ASTN1: variants seen among roughly 807,000 people sequenced by gnomAD.
ASTN1 encodes the protein astrotactin 1.
ASTN1 carries 41 observed loss-of-function variants against 140.7 expected under a neutral mutation model. The ratio of observed to expected loss-of-function variants is 0.29; its 90% confidence interval spans 0.23 to 0.38. The LOEUF (loss-of-function observed/expected upper bound fraction) is 0.38, where lower values mean the gene tolerates loss of function less well. Ranked by LOEUF, ASTN1 falls within the 10% of genes least tolerant of loss-of-function variation. The pLI is 1.00. For synonymous variants in ASTN1, 640 were observed against 652.2 expected (o/e 0.98, Z 0.29); for missense variants, 1,479 against 1,678.8 (o/e 0.88, Z 2.08).
chr1:177,140,208 T>C (rs185568719), intron 1 of ASTN1, among the ~76,000 whole-genome samples: 59 of 152,342 alleles, frequency 3.9e-4, no homozygotes, highest in Non-Finnish European at 1.5e-5. Flanking sequence ...GAGGAAGTTA[T>C]AATAGCCGAA....
At chr1:176,957,244 G>C (rs1389611840) in intron 11 of ASTN1, among the ~76,000 whole-genome samples, 3 of 152,062 alleles carry the variant, frequency 2.0e-5, no homozygotes, top group East Asian at 3.9e-4. Context: ...TAGGAGCCCA[G>C]CTTTGAAGAA....
intron 9 of ASTN1, among the ~76,000 whole-genome samples, chr1:176,959,049 A>T (rs76501326): frequency 0.013 from 1,966 of 152,226 alleles, 47 homozygotes; most frequent in African/African-American, 0.042. Context: ...TATTCTCTGC[A>T]CTCCTACCCA....
chr1:176,859,475 C>T (rs1180154227), downstream of ASTN1, among the ~76,000 whole-genome samples: 3 of 152,192 alleles, frequency 2.0e-5, no homozygotes, highest in South Asian at 2.1e-4. Context: ...TGACCCCTGA[C>T]TGGATTATTT....
intron 21 of ASTN1, among the ~76,000 whole-genome samples, chr1:176,870,219 C>T (rs957385286): frequency 2.0e-5 from 3 of 152,280 alleles, no homozygotes; most frequent in South Asian, 2.1e-4. Context: ...TGGAGAGCAA[C>T]GTTTTGTCTT....
rs1005743349 is a variant in ASTN1, at chr1:176,863,428, C to T, written c.*856G>A. On this transcript the variant is annotated 3_prime_UTR_variant, in exon 23 of 23. Transcript: ENST00000361833. ...ATATATATTGGTAGGCTGGAGAAGT[C>T]TATCCAAAGGAAGCATGGTTTTTTT... 2 of 985,698 alleles carry T rather than the reference C, an allele frequency of 2.0e-6. No homozygotes were observed. Among genetic ancestry groups the T allele is most frequent in the Admixed American group, 6.2e-5 (1 of 16,260 alleles). The allele number at this position is 985,698 out of a possible 1,614,324, so 61.1% of individuals were successfully genotyped here. A position where few individuals can be genotyped will look rare whatever the true frequency, so the allele number is the denominator to read the frequency against.
At chr1:177,062,379 C>T (rs116561269) in intron 1 of ASTN1, among the ~76,000 whole-genome samples, 4,616 of 151,596 alleles carry the variant, frequency 0.03, 232 homozygotes, top group African/African-American at 0.11. Flanking sequence ...TAGCAGGGAC[C>T]ACAGACACAC....
Position 176,861,444 on chromosome 1 carries a change from GA to G in ASTN1, c.*2839del. Reference sequence around the variant, plus strand: ...TCCCTTAAGACCTGTTTGGCAGCTTGAAAACTCAAGGTTGAATACCGGTCCA... The same window carrying G: ...TCCCTTAAGACCTGTTTGGCAGCTTGAAACTCAAGGTTGAATACCGGTCCA... On this transcript the variant is annotated 3_prime_UTR_variant, in exon 23 of 23. Transcript: ENST00000361833. 1 of 985,814 alleles carries G rather than the reference GA, an allele frequency of 1.0e-6. No individual in the cohort carries two copies. The highest frequency in any genetic ancestry group is 1.2e-6 in the Non-Finnish European group (1 of 829,932). The allele number at this position is 985,814 out of a possible 1,614,324, so 61.1% of individuals were successfully genotyped here. A position where few individuals can be genotyped will look rare whatever the true frequency, so the allele number is the denominator to read the frequency against.
chr1:177,088,494 G>A (rs1219096423), intron 1 of ASTN1, among the ~76,000 whole-genome samples: 1 of 152,144 alleles, frequency 6.6e-6, no homozygotes, highest in Non-Finnish European at 1.5e-5. Flanking sequence ...AATGTGGCTA[G>A]CGTCATCCTC....
intron 1 of ASTN1, among the ~76,000 whole-genome samples, chr1:177,091,702 C>T (rs1679763471): frequency 6.6e-6 from 1 of 152,228 alleles, no homozygotes; most frequent in Non-Finnish European, 1.5e-5. Flanking sequence ...CAGTTCCCAT[C>T]CCCCAGCCCT....
intron 2 of ASTN1, among the ~76,000 whole-genome samples, chr1:177,040,939 T>C (rs1676940336): frequency 1.3e-5 from 2 of 152,180 alleles, no homozygotes; most frequent in Non-Finnish European, 2.9e-5. Context: ...TTTTCCGTTC[T>C]TGAGATTTTT....
intron 7 of ASTN1, among the ~76,000 whole-genome samples, chr1:177,019,291 G>A (rs749009142): frequency 6.6e-6 from 1 of 152,158 alleles, no homozygotes; most frequent in Non-Finnish European, 1.5e-5. Flanking sequence ...CACAATGCTT[G>A]ACACACAGTG....
intron 1 of ASTN1, among the ~76,000 whole-genome samples, chr1:177,163,327 G>A (rs1487057451): frequency 1.3e-5 from 2 of 152,156 alleles, no homozygotes; most frequent in African/African-American, 4.8e-5. Context: ...CTAAAGAAAT[G>A]GATTGCATGG....
chr1:177,064,447 C>CTAAT (rs1678249518), intron 1 of ASTN1, among the ~76,000 whole-genome samples: 1 of 152,204 alleles, frequency 6.6e-6, no homozygotes, highest in African/African-American at 2.4e-5. Flanking sequence ...TACCTATTAG[C>CTAAT]AGTCCAAGGC....
At position 176,958,328 on chromosome 1, in the gene ASTN1, C is replaced by T; in HGVS notation, c.1736+17G>A. 1 of 1,613,790 alleles carries T rather than the reference C, an allele frequency of 6.2e-7. No homozygotes were observed. Among genetic ancestry groups the T allele is most frequent in the South Asian group, 1.1e-5 (1 of 90,984 alleles). On this transcript the variant is annotated intron_variant, in intron 10 of 22. Coordinates refer to ENST00000361833, the MANE Select transcript of ASTN1 (RefSeq NM_004319.3). The stretch of plus-strand genomic sequence containing the variant: ...TCCCAAGCCAATTGCAGGCCTCAGT[C>T]CTGAAGCCAGACTCACCTGACCTCC...
At chr1:177,103,249 T>A (rs1680384287) in intron 1 of ASTN1, among the ~76,000 whole-genome samples, 1 of 152,180 alleles carries the variant, frequency 6.6e-6, no homozygotes, top group Admixed American at 6.5e-5. Context: ...CATAATGAGA[T>A]GCTAAGGCAA....
At chr1:177,014,947 T>A in intron 7 of ASTN1, 72 bp from the exon 8 acceptor site, 1 of 1,402,506 alleles carries the variant, frequency 7.1e-7, no homozygotes, top group Non-Finnish European at 1.0e-6. Context: ...TTTGTAAAAA[T>A]TAACATGAAA....
chr1:177,163,580 G>A (rs1198034302), intron 1 of ASTN1, among the ~76,000 whole-genome samples: 3 of 152,184 alleles, frequency 2.0e-5, no homozygotes, highest in Non-Finnish European at 4.4e-5. Context: ...CAAAAAGAGA[G>A]AGATGTAAAC....
intron 1 of ASTN1, among the ~76,000 whole-genome samples, chr1:177,073,694 A>C (rs1678755184): frequency 6.6e-6 from 1 of 150,870 alleles, no homozygotes; most frequent in South Asian, 2.1e-4. Context: ...TCCCTAGAGC[A>C]GAGTAATGTG....
intron 1 of ASTN1, among the ~76,000 whole-genome samples, chr1:177,129,142 G>A (rs951419708): frequency 1.3e-5 from 2 of 152,074 alleles, no homozygotes; most frequent in African/African-American, 4.8e-5. Context: ...CATCTTATTG[G>A]GAAAACAACA....
Sources: allele counts gnomAD v4.1 joint callset (sites outside exome capture counted in the v4.1 genomes callset), GRCh38; gene constraint gnomAD v4.1.1; transcripts MANE v1.5; gene names NCBI Gene and HGNC (gene_info 2026-07-23, HGNC 2026-07-21).